ITPRID1: variants seen among roughly 807,000 people sequenced by gnomAD.
ITPRID1 encodes ITPR interacting domain containing 1.
Under a neutral mutation model 95.4 loss-of-function variants are expected in ITPRID1, and 96 were observed. The observed-to-expected ratio is 1.01, with a 90% CI of 0.85 to 1.19. ITPRID1 has a LOEUF of 1.19. Ranked by LOEUF, ITPRID1 falls within the 50% of genes most tolerant of loss-of-function variation. ITPRID1 has a pLI of 0.00. For synonymous variants in ITPRID1, 510 were observed against 453.6 expected (o/e 1.12, Z -1.58); for missense variants, 1,339 against 1,252.9 (o/e 1.07, Z -1.04).
chr7:31,626,245 A>C (rs1343618758), intron 10 of ITPRID1, among the ~76,000 whole-genome samples: 1 of 152,244 alleles, frequency 6.6e-6, no homozygotes, highest in Non-Finnish European at 1.5e-5. Flanking sequence ...AAGTAATGAA[A>C]TATACTTTGT....
intron 2 of ITPRID1, among the ~76,000 whole-genome samples, chr7:31,552,343 CT>C: frequency 9.7e-6 from 1 of 102,762 alleles, no homozygotes; most frequent in Non-Finnish European, 2.4e-5. Flanking sequence ...CTTAATCTCT[CT>C]GGTCTTCAAT....
At chr7:31,528,811 CTG>C (rs1783501619) in intron 1 of ITPRID1, among the ~76,000 whole-genome samples, 1 of 152,076 alleles carries the variant, frequency 6.6e-6, no homozygotes, top group African/African-American at 2.4e-5. Context: ...TGGGGTTCCT[CTG>C]TGTTTGAAAT....
At chr7:31,576,338 A>G (rs2128145742) in intron 8 of ITPRID1, among the ~76,000 whole-genome samples, 1 of 152,338 alleles carries the variant, frequency 6.6e-6, no homozygotes, top group African/African-American at 2.4e-5. Flanking sequence ...AATCTACCCA[A>G]AGGCAAAAAT....
At chr7:31,641,856 G>T (rs1790047015) in intron 10 of ITPRID1, among the ~76,000 whole-genome samples, 1 of 152,176 alleles carries the variant, frequency 6.6e-6, no homozygotes. Context: ...TAAGGCATAT[G>T]TGTTTCCTTC....
At chr7:31,647,507 CAA>C (rs35796110) in intron 12 of ITPRID1, among the ~76,000 whole-genome samples, 83,220 of 139,804 alleles carry the variant, frequency 0.6, 24,575 homozygotes, top group African/African-American at 0.68. Context: ...ATTAAAACTA[CAA>C]AAAAAAAAAA....
intron 1 of ITPRID1, among the ~76,000 whole-genome samples, chr7:31,529,209 A>G (rs1562549881): frequency 6.6e-6 from 1 of 152,174 alleles, no homozygotes; most frequent in Non-Finnish European, 1.5e-5. Flanking sequence ...TAGAATTTCC[A>G]GTGAATTGAA....
At position 31,652,066 on chromosome 7, in the gene ITPRID1, T is replaced by A. The variant is rs751569453; in HGVS notation, c.2823+16T>A. 9.7e-6 allele frequency: 15 copies of A among 1,552,436 alleles called. No homozygotes were observed. Among genetic ancestry groups the A allele is most frequent in the Non-Finnish European group, 1.3e-5 (15 of 1,137,718 alleles). Reference sequence around the variant, plus strand: ...GATTTTACTGGTATGGGTGATGGGGTGTGGAGTTTGACTATATCCAGCCTA... The same window carrying A: ...GATTTTACTGGTATGGGTGATGGGGAGTGGAGTTTGACTATATCCAGCCTA... On this transcript the variant is annotated intron_variant, in intron 14 of 14. Transcript: ENST00000615280.
At position 31,566,076 on chromosome 7, in the gene ITPRID1, G is replaced by C. The variant is rs181904198; in HGVS notation, c.257-3682G>C. Among the ~76,000 whole-genome samples, 159 of 152,280 alleles carry C rather than the reference G, an allele frequency of 1.0e-3. 4 individuals are homozygous for C. Among genetic ancestry groups the C allele is most frequent in the Admixed American group, 0.01 (157 of 15,290 alleles). On this transcript the variant is annotated intron_variant, in intron 5 of 14. Coordinates refer to ENST00000615280, the MANE Select transcript of ITPRID1 (RefSeq NM_001257967.3). ...TCAGATTGCTCCTGATCAAGTGACAGGACACAGGGCGTGGTCCATGGAGTG... is the reference window on the plus strand; with the variant it reads ...TCAGATTGCTCCTGATCAAGTGACACGACACAGGGCGTGGTCCATGGAGTG...
At chr7:31,592,934 C>G (rs192222085) in intron 10 of ITPRID1, among the ~76,000 whole-genome samples, 41 of 152,292 alleles carry the variant, frequency 2.7e-4, no homozygotes, top group African/African-American at 9.6e-4. Context: ...ATACTAAAAT[C>G]TAATAATGCT....
chr7:31,547,729 C>T (rs1283357257), intron 1 of ITPRID1, among the ~76,000 whole-genome samples: 3 of 152,004 alleles, frequency 2.0e-5, no homozygotes, highest in Non-Finnish European at 4.4e-5. Context: ...TAAGCAACTG[C>T]CTGAATAGTG....
chr7:31,574,813 C>G lies in ITPRID1; in HGVS notation c.598+71C>G, dbSNP rs1029078727. 4 of 1,365,164 alleles carry G rather than the reference C, an allele frequency of 2.9e-6. 1 individual carries two copies. The East Asian group carries it at 9.4e-5, about 32-fold the overall frequency. The allele number at this position is 1,365,164 out of a possible 1,614,324, so 84.6% of individuals were successfully genotyped here. On this transcript the variant is annotated intron_variant, in intron 8 of 14. Transcript: ENST00000615280. The stretch of plus-strand genomic sequence containing the variant: ...GTGGGCAGGTGGGCCACAGTGTAGG[C>G]GAGGAGATTGTGTGAAGTAGCATGC...
At chr7:31,617,296 G>A (rs1052738898) in intron 10 of ITPRID1, among the ~76,000 whole-genome samples, 1 of 151,532 alleles carries the variant, frequency 6.6e-6, no homozygotes, top group Non-Finnish European at 1.5e-5. Flanking sequence ...AATATAAATG[G>A]GTTTCTCAAC....
chr7:31,634,640 C>T (rs1263756733), intron 10 of ITPRID1, among the ~76,000 whole-genome samples: 3 of 152,130 alleles, frequency 2.0e-5, no homozygotes, highest in South Asian at 2.1e-4. Context: ...AAGTGGACCC[C>T]CTTAAGCTAT....
intron 10 of ITPRID1, among the ~76,000 whole-genome samples, chr7:31,625,696 G>A (rs763040100): frequency 3.0e-4 from 46 of 151,862 alleles, no homozygotes; most frequent in Admixed American, 1.6e-3. Flanking sequence ...TGGGTGCAGC[G>A]CACCAACATG....
At position 31,643,519 on chromosome 7, in the gene ITPRID1, G is replaced by T. The variant is rs753702493; in HGVS notation, c.2149G>T (p.Val717Leu). The T allele has an allele frequency of 1.2e-6, 2 of 1,614,018 alleles. No homozygotes were observed. Among genetic ancestry groups the T allele is most frequent in the South Asian group, 2.2e-5 (2 of 91,086 alleles). ...SVMTQMSSSL[V>L]SAAQRAVALG... ...AATGACCCAGATGTCCTCCAGCCTG[G>T]TGTCGGCTGCTCAGAGGGCTGTGGC... Residue 717 changes from valine (V) to leucine (L), a missense_variant, in exon 12 of 15, where the codon GTG (valine) becomes TTG (leucine). Val to Leu is a conservative substitution (Grantham distance 32, BLOSUM62 1). Transcript: ENST00000615280.
At chr7:31,550,597 A>G (rs1784253754) in intron 2 of ITPRID1, among the ~76,000 whole-genome samples, 1 of 152,154 alleles carries the variant, frequency 6.6e-6, no homozygotes, top group South Asian at 2.1e-4. Flanking sequence ...AGCTTTAGAA[A>G]ATCCATTTCC....
chr7:31,631,722 C>G (rs1005806974), intron 10 of ITPRID1, among the ~76,000 whole-genome samples: 1 of 152,106 alleles, frequency 6.6e-6, no homozygotes, highest in South Asian at 2.1e-4. Flanking sequence ...GGCTGTAAGA[C>G]CTTGAAACCA....
intron 1 of ITPRID1, chr7:31,529,694 G>T (rs938701523): frequency 7.6e-7 from 1 of 1,312,790 alleles, no homozygotes; most frequent in Non-Finnish European, 1.1e-6. Context: ...CAGTCACAAG[G>T]GCTTTGTAGT....
At chr7:31,619,823 C>T (rs1468954372) in intron 10 of ITPRID1, among the ~76,000 whole-genome samples, 7 of 152,262 alleles carry the variant, frequency 4.6e-5, no homozygotes, top group Admixed American at 2.0e-4. Flanking sequence ...CCTCGGGAAG[C>T]GCAAGGGGTC....
Sources: gnomAD v4.1 joint callset for allele counts (sites outside exome capture counted in the v4.1 genomes callset) on GRCh38, gnomAD v4.1.1 for gene constraint, MANE v1.5 for transcripts, NCBI Gene and HGNC (gene_info 2026-07-23, HGNC 2026-07-21) for gene names.